Variants in OR10R2 observed in about 807,000 individuals in gnomAD.
The protein encoded by OR10R2 is olfactory receptor family 10 subfamily R member 2, also known as olfactory receptor 10R2.
OR10R2 carries 1 observed loss-of-function variant against 2.4 expected under a neutral mutation model. The ratio of observed to expected loss-of-function variants is 0.41; its 90% CI spans 0.15 to 1.95. The LOEUF (loss-of-function observed/expected upper bound fraction) is 1.95, where lower values mean the gene tolerates loss of function less well. OR10R2 is among the 30% of genes most tolerant of loss of function. The pLI is 0.30. For missense variants in OR10R2, 419 were observed against 373.0 expected (o/e 1.12, Z -1.01); for synonymous variants, 166 against 144.8 (o/e 1.15, Z -1.05).
intron 1 of OR10R2, among the ~76,000 whole-genome samples, chr1:158,474,000 T>C (rs573972508): frequency 6.6e-6 from 1 of 151,488 alleles, no homozygotes; most frequent in African/African-American, 2.4e-5. Flanking sequence ...CTTCTCTTTC[T>C]TCATTTCTCC....
chr1:158,479,919 C>T lies in OR10R2; in HGVS notation c.28-19C>T. ...TATTCACATACCTGAATATGTTTTA[C>T]TTCTTTCCCCCTTTGCAGATCTTGG... On this transcript the variant is annotated intron_variant, in intron 1 of 1. Transcript: ENST00000641067. The T allele has an allele frequency of 6.2e-7, 1 of 1,613,462 alleles. No individual in the cohort carries two copies. Among genetic ancestry groups the T allele is most frequent in the Non-Finnish European group, 8.5e-7 (1 of 1,179,618 alleles).
chr1:158,480,315 T>C (rs1026913492), exon 2 of OR10R2: 14 of 1,614,006 alleles, frequency 8.7e-6, no homozygotes, highest in Non-Finnish European at 1.0e-5. Flanking sequence ...ATGCTGCCAT[T>C]TGTCACCCTC....
chr1:158,478,544 G>A (rs1328940227), intron 1 of OR10R2, among the ~76,000 whole-genome samples: 1 of 151,954 alleles, frequency 6.6e-6, no homozygotes, highest in Non-Finnish European at 1.5e-5. Context: ...ACATTGCTTT[G>A]ACTATTTACT....
intron 1 of OR10R2, among the ~76,000 whole-genome samples, chr1:158,474,018 CCTCTCTTTCTTCTTT>C (rs1201703141): frequency 1.4e-5 from 2 of 145,238 alleles, no homozygotes; most frequent in Non-Finnish European, 3.0e-5. Flanking sequence ...TCCCTTTCTT[CCTCTCTTTCTTCTTT>C]CTTTCTTTCT....
exon 2 of OR10R2, chr1:158,480,411 A>C: frequency 6.2e-7 from 1 of 1,614,030 alleles, no homozygotes. Flanking sequence ...CCTCTCTTAC[A>C]GTAGTAAATT....
At chr1:158,479,425 T>C (rs1656334164) in intron 1 of OR10R2, among the ~76,000 whole-genome samples, 1 of 152,206 alleles carries the variant, frequency 6.6e-6, no homozygotes, top group South Asian at 2.1e-4. Flanking sequence ...TTTCTCTGTA[T>C]ATGTCTCACA....
chr1:158,473,102 G>T (rs553551665), intron 1 of OR10R2, among the ~76,000 whole-genome samples: 6 of 152,188 alleles, frequency 3.9e-5, no homozygotes, highest in African/African-American at 1.4e-4. Context: ...TCGCTTGCTG[G>T]AAGTATCTTT....
intron 1 of OR10R2, 108 bp downstream of exon 1, chr1:158,472,460 G>A (rs941544591): frequency 2.5e-6 from 1 of 398,014 alleles, no homozygotes; most frequent in Non-Finnish European, 4.4e-6. Context: ...TTTCCTTAAA[G>A]GGCCTGGGCC....
chr1:158,476,375 G>A (rs1031876647), intron 1 of OR10R2, among the ~76,000 whole-genome samples: 1 of 151,526 alleles, frequency 6.6e-6, no homozygotes, highest in Admixed American at 6.6e-5. Context: ...GTGAAACCCC[G>A]TCTCTACTAA....
rs758822484 is a variant in OR10R2 at position 158,480,371 on chromosome 1, CA to C, written c.462del (p.Ala155LeufsTer14). ...AGCTGGCAGGTGTGTGGAAAACTGG[CA>C]GCTGCCTGTGCAATTGGTGGCTTCT... is the stretch of plus-strand genomic sequence containing the variant. On this transcript the variant is annotated frameshift_variant, in exon 2 of 2. Coordinates refer to ENST00000641067, the Ensembl canonical transcript of OR10R2. LOFTEE classifies it low-confidence loss of function (END_TRUNC). The C allele has an allele frequency of 1.2e-6, 2 of 1,614,118 alleles. No homozygotes were observed. The highest frequency in any genetic ancestry group is 1.7e-6 in the Non-Finnish European group (2 of 1,179,976).
At chr1:158,476,100 C>T (rs1656262544) in intron 1 of OR10R2, among the ~76,000 whole-genome samples, 1 of 151,952 alleles carries the variant, frequency 6.6e-6, no homozygotes, top group South Asian at 2.1e-4. Context: ...TTTTATTTTA[C>T]ATTATATTTT....
chr1:158,475,575 CT>C (rs1656254599), intron 1 of OR10R2, among the ~76,000 whole-genome samples: 1 of 151,446 alleles, frequency 6.6e-6, no homozygotes, highest in African/African-American at 2.4e-5. Context: ...TATCTGTTTT[CT>C]TCTTCAAAGT....
exon 2 of OR10R2, chr1:158,480,285 T>G: frequency 1.2e-6 from 2 of 1,614,126 alleles, no homozygotes. Flanking sequence ...TGCTATTGGG[T>G]GTGATGGGTT....
chr1:158,479,939 T>A, exon 2 of OR10R2: 1 of 1,614,040 alleles, frequency 6.2e-7, no homozygotes. Flanking sequence ...CCTTTGCAGA[T>A]CTTGGCAGAA....
At chr1:158,472,798 G>C (rs894330481) in intron 1 of OR10R2, among the ~76,000 whole-genome samples, 1 of 151,938 alleles carries the variant, frequency 6.6e-6, no homozygotes, top group African/African-American at 2.4e-5. Flanking sequence ...TTAAGGTCAA[G>C]AAAAAAGAAC....
At position 158,480,728 on chromosome 1, in the gene OR10R2, C is replaced by T; in HGVS notation, c.818C>T (p.Ala273Val). The T allele has an allele frequency of 6.2e-7, 1 of 1,612,470 alleles. No homozygotes were observed. The highest frequency in any genetic ancestry group is 2.2e-5 in the East Asian group (1 of 44,852). ...TCCTTCATCTACCTGAGGCCTACAGCAAACTATGTGTCCAACAAAGACAGG... is the reference window on the plus strand; with the variant it reads ...TCCTTCATCTACCTGAGGCCTACAGTAAACTATGTGTCCAACAAAGACAGG... Residue 273 changes from alanine to valine, a missense_variant, in exon 2 of 2, where the codon GCA (alanine) becomes GTA (valine). Ala to Val is a moderately conservative substitution (Grantham distance 64). Transcript: ENST00000641067.
chr1:158,472,778 A>G (rs1463386631), intron 1 of OR10R2, among the ~76,000 whole-genome samples: 1 of 152,220 alleles, frequency 6.6e-6, no homozygotes, highest in Admixed American at 6.5e-5. Context: ...ATAATGCTCA[A>G]GTTGAGATCT....
chr1:158,480,329 A>C (rs1300371105), exon 2 of OR10R2: 2 of 1,614,108 alleles, frequency 1.2e-6, no homozygotes, highest in Admixed American at 3.3e-5. Context: ...CACCCTCTGC[A>C]TTACCCCACT....
chr1:158,480,197 C>A (rs1212879955), exon 2 of OR10R2: 2 of 1,614,086 alleles, frequency 1.2e-6, no homozygotes, highest in South Asian at 1.1e-5. Context: ...AATCTACTTT[C>A]TGTGGCCAGG....
Sources: gnomAD v4.1 joint callset for allele counts (sites outside exome capture counted in the v4.1 genomes callset) on GRCh38, gnomAD v4.1.1 for gene constraint, MANE v1.5 for transcripts, NCBI Gene and HGNC (gene_info 2026-07-23, HGNC 2026-07-21) for gene names.